The following SLC4A4 variants were observed in gnomAD, a reference collection of about 807,000 sequenced individuals.
SLC4A4 encodes the protein solute carrier family 4 member 4, also known as electrogenic sodium bicarbonate cotransporter 1.
In SLC4A4, 27 loss-of-function variants were observed where a neutral mutation model predicts 111.5. The observed-to-expected ratio is 0.24, with a 90% confidence interval of 0.18 to 0.33. SLC4A4 has a LOEUF of 0.33. SLC4A4 is among the 10% of genes least tolerant of loss of function. The pLI, the probability that SLC4A4 is intolerant of heterozygous loss-of-function variation, is 1.00. For missense variants in SLC4A4, 909 were observed against 1,315.5 expected (o/e 0.69, Z 4.78); for synonymous variants, 443 against 463.4 (o/e 0.96, Z 0.57).
intron 15 of SLC4A4, among the ~76,000 whole-genome samples, chr4:71,489,249 TA>T (rs1463346573): frequency 3.3e-5 from 5 of 151,676 alleles, no homozygotes; most frequent in African/African-American, 1.2e-4. Context: ...AAGTACATGG[TA>T]AAATGAGGAT....
rs1331000727 is a variant in SLC4A4, at chr4:71,104,877, C to G, written c.-2+12085C>G. 2.2e-4 allele frequency among the ~76,000 whole-genome samples: 9 copies of G among 41,536 alleles called. No homozygotes were observed. In the East Asian group the frequency reaches 3.4e-3, roughly 16 times the overall value. 27.2% of individuals were successfully genotyped at this position (41,536 alleles called of 152,430 possible). ...AAAACTGGCACAAGACAGGGATGCC[C>G]TCTCTCACCACTCCTATTCAACATA... On this transcript the variant is annotated intron_variant, in intron 2 of 26. Coordinates refer to the SLC4A4 transcript ENST00000649996.
chr4:71,424,302 C>T (rs1253878045), intron 7 of SLC4A4, among the ~76,000 whole-genome samples: 7 of 152,014 alleles, frequency 4.6e-5, no homozygotes, highest in Non-Finnish European at 8.8e-5. Context: ...TATCATCTCA[C>T]ACCAGTTTGA....
At chr4:71,484,953 A>T (rs1334534750) in intron 14 of SLC4A4, among the ~76,000 whole-genome samples, 1 of 150,064 alleles carries the variant, frequency 6.7e-6, no homozygotes. Context: ...TGTTGTTAAT[A>T]TTTAGGAATG....
intron 2 of SLC4A4, among the ~76,000 whole-genome samples, chr4:71,155,184 A>G (rs867611074): frequency 2.1e-4 from 32 of 152,182 alleles, no homozygotes; most frequent in Middle Eastern, 3.4e-3. Context: ...TTTCCCATGG[A>G]CCCTTCTACT....
At chr4:71,206,823 A>AT (rs1553962482) in intron 1 of SLC4A4, among the ~76,000 whole-genome samples, 1 of 151,476 alleles carries the variant, frequency 6.6e-6, no homozygotes, top group African/African-American at 2.4e-5. Context: ...TATTATTATT[A>AT]TTTTAGAAGG....
chr4:71,301,027 A>G, intron 3 of SLC4A4: 1 of 434,200 alleles, frequency 2.3e-6, no homozygotes, highest in Non-Finnish European at 4.7e-6. Flanking sequence ...TTGCCAGCCC[A>G]CTAGAAGGGA....
At chr4:71,514,003 T>G (rs572434745) in intron 16 of SLC4A4, among the ~76,000 whole-genome samples, 197 of 152,352 alleles carry the variant, frequency 1.3e-3, no homozygotes, top group Non-Finnish European at 2.3e-3. Context: ...TGTGGTATAT[T>G]ATCTTGTAGA....
At chr4:71,492,431 A>G (rs1730014522) in intron 15 of SLC4A4, among the ~76,000 whole-genome samples, 1 of 151,954 alleles carries the variant, frequency 6.6e-6, no homozygotes, top group Non-Finnish European at 1.5e-5. Context: ...AGATATCTCA[A>G]AAAATAGATT....
intron 2 of SLC4A4, among the ~76,000 whole-genome samples, chr4:71,138,811 C>A (rs947855465): frequency 1.3e-5 from 2 of 151,834 alleles, no homozygotes; most frequent in African/African-American, 4.8e-5. Flanking sequence ...CCAAGGAGGG[C>A]GGATCACGAG....
rs536144907 is a variant in SLC4A4 at position 71,178,511 on chromosome 4, T to C, written c.-1-58065T>C. The stretch of plus-strand genomic sequence containing the variant: ...AGAATCAAATAGATGCAATAAAAAA[T>C]GATAAAGGGGATATCACCACCATCC... On this transcript the variant is annotated intron_variant, in intron 2 of 26. Transcript: ENST00000649996. Among the ~76,000 whole-genome samples the C allele has an allele frequency of 8.5e-5, 13 of 152,128 alleles. No homozygotes were observed. In the East Asian group the frequency reaches 2.3e-3, roughly 27 times the overall value.
At chr4:71,212,916 A>G (rs9990824) in intron 1 of SLC4A4, among the ~76,000 whole-genome samples, 1 of 152,214 alleles carries the variant, frequency 6.6e-6, no homozygotes, top group Non-Finnish European at 1.5e-5. Flanking sequence ...CAGCAGTCCC[A>G]TAAATTTATA....
intron 4 of SLC4A4, among the ~76,000 whole-genome samples, 184 bp downstream of exon 4, chr4:71,339,689 C>A (rs746241934): frequency 2.0e-5 from 3 of 152,086 alleles, no homozygotes; most frequent in Non-Finnish European, 4.4e-5. Context: ...GAATGCAGGG[C>A]ACCTCTTATT....
intron 12 of SLC4A4, 128 bp downstream of exon 12, chr4:71,453,797 C>T: frequency 4.7e-6 from 4 of 853,724 alleles, no homozygotes; most frequent in Non-Finnish European, 7.8e-6. Flanking sequence ...CTGGATGCTG[C>T]ATTTTACTTT....
chr4:71,089,874 T>C (rs1440618764), intron 1 of SLC4A4, among the ~76,000 whole-genome samples: 2 of 146,728 alleles, frequency 1.4e-5, no homozygotes, highest in Non-Finnish European at 3.0e-5. Flanking sequence ...GTTTGTCTGT[T>C]CTCAGATCTC....
intron 1 of SLC4A4, among the ~76,000 whole-genome samples, chr4:71,200,355 T>C (rs1746190834): frequency 6.6e-6 from 1 of 152,216 alleles, no homozygotes; most frequent in Admixed American, 6.5e-5. Flanking sequence ...AAAATTATCT[T>C]AAGATATTTT....
intron 3 of SLC4A4, among the ~76,000 whole-genome samples, chr4:71,312,030 C>T (rs930167011): frequency 1.3e-5 from 2 of 151,242 alleles, no homozygotes; most frequent in African/African-American, 4.9e-5. Flanking sequence ...GCTAGCCAGA[C>T]CAATAAAGAA....
At chr4:71,496,848 T>A (rs1222036300) in intron 15 of SLC4A4, among the ~76,000 whole-genome samples, 2 of 152,048 alleles carry the variant, frequency 1.3e-5, no homozygotes, top group East Asian at 3.9e-4. Context: ...CTTAAAGGCA[T>A]CACAGCACAT....
At chr4:71,366,410 G>T (rs1056276325) in intron 6 of SLC4A4, among the ~76,000 whole-genome samples, 14 of 147,932 alleles carry the variant, frequency 9.5e-5, no homozygotes, top group African/African-American at 3.4e-4. Flanking sequence ...ATTTAGGATT[G>T]ATGGTTTTGG....
At chr4:71,083,283 TC>T (rs1742044726) in intron 1 of SLC4A4, among the ~76,000 whole-genome samples, 1 of 151,854 alleles carries the variant, frequency 6.6e-6, no homozygotes, top group South Asian at 2.1e-4. Context: ...GTTTTTTTTT[TC>T]ATTTAAACTT....
Sources: gnomAD v4.1 joint callset for allele counts (sites outside exome capture counted in the v4.1 genomes callset) on GRCh38, gnomAD v4.1.1 for gene constraint, MANE v1.5 for transcripts, NCBI Gene and HGNC (gene_info 2026-07-23, HGNC 2026-07-21) for gene names.